RUNX2: variants seen among roughly 807,000 people sequenced by gnomAD.
RUNX2 encodes the protein RUNX family transcription factor 2, also known as runt-related transcription factor 2.
A neutral mutation model predicts 51.7 loss-of-function variants in RUNX2; 10 were observed. The observed-to-expected ratio is 0.19, with a 90% CI of 0.12 to 0.33. The LOEUF is 0.33. Among genes scored for constraint, RUNX2 ranks in the 10% least tolerant of loss-of-function variants. The probability of loss-of-function intolerance (pLI) is 1.00; values close to 1 mark genes in which losing one functional copy is unlikely to be tolerated. For synonymous variants in RUNX2, 276 were observed against 273.6 expected (o/e 1.01, Z -0.09); for missense variants, 562 against 691.3 (o/e 0.81, Z 2.10).
intron 7 of RUNX2, among the ~76,000 whole-genome samples, chr6:45,520,308 G>T (rs1582200756): frequency 6.6e-6 from 1 of 152,122 alleles, no homozygotes; most frequent in East Asian, 1.9e-4. Context: ...GTCACCAAAT[G>T]GTTTTCTGTA....
At chr6:45,460,443 A>C (rs1292511179) in intron 5 of RUNX2, among the ~76,000 whole-genome samples, 1 of 152,212 alleles carries the variant, frequency 6.6e-6, no homozygotes, top group Non-Finnish European at 1.5e-5. Flanking sequence ...TCAAAAGATC[A>C]TTTGTTGAAA....
intron 5 of RUNX2, among the ~76,000 whole-genome samples, chr6:45,486,611 C>T (rs1800289327): frequency 6.6e-6 from 1 of 152,080 alleles, no homozygotes; most frequent in Non-Finnish European, 1.5e-5. Context: ...TCTGCTGTGC[C>T]ATATTAGGGT....
chr6:45,417,928 A>G (rs1798098363), intron 2 of RUNX2, among the ~76,000 whole-genome samples: 2 of 152,232 alleles, frequency 1.3e-5, no homozygotes, highest in Non-Finnish European at 1.5e-5. Flanking sequence ...CATGGGCCAT[A>G]GTATGACGAC....
intron 7 of RUNX2, among the ~76,000 whole-genome samples, chr6:45,515,257 G>C (rs2150424376): frequency 6.6e-6 from 1 of 152,220 alleles, no homozygotes; most frequent in East Asian, 1.9e-4. Flanking sequence ...TGGATGTTCG[G>C]ACCCAGGTTT....
intron 2 of RUNX2, among the ~76,000 whole-genome samples, chr6:45,356,185 T>G (rs1793133233): frequency 2.0e-5 from 3 of 152,142 alleles, no homozygotes; most frequent in Admixed American, 1.3e-4. Flanking sequence ...ACAACAACAT[T>G]TTTTTCAAAG....
chr6:45,361,010 T>C (rs944644552), intron 2 of RUNX2, among the ~76,000 whole-genome samples: 12 of 152,296 alleles, frequency 7.9e-5, no homozygotes, highest in Admixed American at 1.3e-4. Context: ...CAGTGGCACA[T>C]GCCTGTAGTC....
chr6:45,470,733 T>A (rs1799775041), intron 5 of RUNX2, among the ~76,000 whole-genome samples: 1 of 152,200 alleles, frequency 6.6e-6, no homozygotes, highest in African/African-American at 2.4e-5. Context: ...TGTAGCACCA[T>A]GATTGGGCAT....
chr6:45,428,517 T>C (rs565668041), intron 3 of RUNX2, among the ~76,000 whole-genome samples: 166 of 152,286 alleles, frequency 1.1e-3, no homozygotes, highest in African/African-American at 3.8e-3. Flanking sequence ...CAGGAAAGAT[T>C]GTCACTACCT....
At chr6:45,484,537 T>A (rs1800211638) in intron 5 of RUNX2, among the ~76,000 whole-genome samples, 1 of 152,222 alleles carries the variant, frequency 6.6e-6, no homozygotes. Flanking sequence ...TATGTAGGAA[T>A]GCAGAAAATC....
chr6:45,488,104 A>T (rs538416506), intron 5 of RUNX2, among the ~76,000 whole-genome samples: 24 of 152,330 alleles, frequency 1.6e-4, no homozygotes, highest in African/African-American at 5.8e-4. Flanking sequence ...AGCTGCCCAG[A>T]GAGAAATGCT....
chr6:45,387,859 C>T (rs1447118166), intron 2 of RUNX2, among the ~76,000 whole-genome samples: 1 of 152,080 alleles, frequency 6.6e-6, no homozygotes, highest in Non-Finnish European at 1.5e-5. Context: ...TGGACTTAGC[C>T]AGTTGAAGGT....
intron 5 of RUNX2, among the ~76,000 whole-genome samples, chr6:45,448,496 G>A (rs763550751): frequency 2.0e-5 from 3 of 152,140 alleles, no homozygotes; most frequent in Non-Finnish European, 4.4e-5. Flanking sequence ...AAAGGGCCAG[G>A]AGACCACGAT....
intron 2 of RUNX2, among the ~76,000 whole-genome samples, chr6:45,404,275 G>GAAAAAAAAAAAAAAAAA (rs1174063286): frequency 9.3e-6 from 1 of 107,692 alleles, no homozygotes; most frequent in East Asian, 2.4e-4. Context: ...AAAAAAAAAA[G>GAAAAAAAAAAAAAAAAA]AAAAAGAAAA....
chr6:45,428,520 C>T (rs191714483), intron 3 of RUNX2, among the ~76,000 whole-genome samples: 2 of 152,272 alleles, frequency 1.3e-5, no homozygotes, highest in African/African-American at 4.8e-5. Context: ...GAAAGATTGT[C>T]ACTACCTTGC....
intron 5 of RUNX2, among the ~76,000 whole-genome samples, chr6:45,487,745 G>A (rs527719128): frequency 3.9e-5 from 6 of 152,156 alleles, no homozygotes; most frequent in Admixed American, 1.3e-4. Flanking sequence ...AATATTTACT[G>A]AGCACCCACT....
rs73735392 is a variant in RUNX2, at chr6:45,366,800, G to C, written c.58+38016G>C. On this transcript the variant is annotated intron_variant, in intron 2 of 8. Coordinates refer to ENST00000647337, the MANE Select transcript of RUNX2 (RefSeq NM_001024630.4). ...TCCTGCACCCTACAATTTGTAAGAA[G>C]TCAAGTAAATTCTACTTTCTGTATG... Among the ~76,000 whole-genome samples, 1,083 of 152,236 alleles carry C rather than the reference G, an allele frequency of 7.1e-3. 19 individuals are homozygous for C. The highest frequency in any genetic ancestry group is 0.025 in the African/African-American group (1,031 of 41,550).
chr6:45,522,821 T>C (rs1801548609), intron 7 of RUNX2, among the ~76,000 whole-genome samples: 1 of 152,236 alleles, frequency 6.6e-6, no homozygotes, highest in South Asian at 2.1e-4. Context: ...TCAGGGTTCT[T>C]ATGCTGTGAC....
chr6:45,368,994 C>G (rs1455632239), intron 2 of RUNX2, among the ~76,000 whole-genome samples: 3 of 149,970 alleles, frequency 2.0e-5, no homozygotes, highest in Admixed American at 1.3e-4. Flanking sequence ...TGGTCAATCA[C>G]TGAGAATGAA....
chr6:45,404,563 G>A (rs1441155652), intron 2 of RUNX2, among the ~76,000 whole-genome samples: 1 of 152,128 alleles, frequency 6.6e-6, no homozygotes, highest in Non-Finnish European at 1.5e-5. Context: ...TGATTAACAT[G>A]TATTAATCGA....
Sources: allele counts gnomAD v4.1 joint callset (sites outside exome capture counted in the v4.1 genomes callset), GRCh38; gene constraint gnomAD v4.1.1; transcripts MANE v1.5; gene names NCBI Gene and HGNC (gene_info 2026-07-23, HGNC 2026-07-21).